Variants in TOP2B observed in about 807,000 individuals in gnomAD.
The protein encoded by TOP2B is DNA topoisomerase 2-beta.
Under a neutral mutation model 193.5 loss-of-function variants are expected in TOP2B, and 51 were observed. The observed-to-expected ratio is 0.26, with a 90% CI of 0.21 to 0.33. TOP2B has a LOEUF of 0.33. Ranked by LOEUF, TOP2B falls within the 10% of genes least tolerant of loss-of-function variation. The pLI, the probability that TOP2B is intolerant of heterozygous loss-of-function variation, is 1.00. For synonymous variants in TOP2B, 634 were observed against 635.7 expected, an observed-to-expected ratio of 1.00 and a Z score of 0.04; for missense variants, 1,378 against 1,909.3, an observed-to-expected ratio of 0.72 and a Z score of 5.19.
At position 25,642,324 on chromosome 3, in the gene TOP2B, A is replaced by C. The variant is rs1328482377; in HGVS notation, c.393T>G (p.Asp131Glu). ...KNMTCIKVSI[D>E]PESNIISIWN... Reference sequence around the variant, plus strand: ...AATTAAACTTTAAATATACTTACGGATCAATAGAAACTTTAATACAAGTCA... The same window carrying C: ...AATTAAACTTTAAATATACTTACGGCTCAATAGAAACTTTAATACAAGTCA... The change falls in exon 4 of 36, where the codon GAT becomes GAG. Residue 131 changes from aspartate (D) to glutamate (E), a missense_variant and splice_region_variant. Physicochemically the swap from Asp to Glu is conservative, Grantham distance 45. Transcript: ENST00000264331. The C allele has an allele frequency of 6.5e-7, 1 of 1,536,320 alleles. No homozygotes were observed. The highest frequency in any genetic ancestry group is 2.5e-5 in the East Asian group (1 of 40,758).
At chr3:25,604,715 A>C (rs757800696) in intron 33 of TOP2B, 45 bp downstream of exon 33, 2 of 1,383,246 alleles carry the variant, frequency 1.4e-6, no homozygotes, top group Non-Finnish European at 2.0e-6. Context: ...TTTTACATTA[A>C]CTATCTCTAT....
chr3:25,598,334 ATCT>A lies in TOP2B; in HGVS notation c.4851_4853del (p.Glu1617del), dbSNP rs767895836. On this transcript the variant is annotated inframe_deletion, in exon 36 of 36. Transcript: ENST00000264331. ...AATTAAACATTGCAAAATCAACATC[ATCT>A]TCTTCTTCATCAGACTCTGCAAAAT... 135 of 1,610,400 alleles carry A rather than the reference ATCT, an allele frequency of 8.4e-5. 1 individual carries two copies. Among genetic ancestry groups the A allele is most frequent in the South Asian group, 1.9e-4 (17 of 90,100 alleles).
intron 33 of TOP2B, among the ~76,000 whole-genome samples, chr3:25,602,525 T>TA (rs1702132205): frequency 6.6e-6 from 1 of 150,402 alleles, no homozygotes; most frequent in Admixed American, 6.6e-5. Context: ...CTACACTGAT[T>TA]CTATGGAAAA....
chr3:25,646,803 CTCTGAAAAG>C (rs1489043750), intron 1 of TOP2B, among the ~76,000 whole-genome samples: 2 of 151,976 alleles, frequency 1.3e-5, no homozygotes, highest in Non-Finnish European at 2.9e-5. Context: ...AATACATGAC[CTCTGAAAAG>C]TCTAAACGAA....
rs1702716699 is a variant in TOP2B, at chr3:25,623,507, A to G, written c.2727+8T>C. On this transcript the variant is annotated splice_region_variant and intron_variant, in intron 21 of 35. Transcript: ENST00000264331. Reference sequence around the variant, plus strand: ...TTGTTAAATAAATAATAAGTTCCAAATAATTACCATGGGATGAGGATCCAG... The same window carrying G: ...TTGTTAAATAAATAATAAGTTCCAAGTAATTACCATGGGATGAGGATCCAG... 1.9e-6 allele frequency: 3 copies of G among 1,610,762 alleles called. No homozygotes were observed. The highest frequency in any genetic ancestry group is 2.2e-5 in the East Asian group (1 of 44,838).
At chr3:25,612,759 G>A (rs1214918626) in intron 27 of TOP2B, 50 bp from the exon 28 acceptor site, 1 of 1,382,160 alleles carries the variant, frequency 7.2e-7, no homozygotes, top group Non-Finnish European at 1.0e-6. Flanking sequence ...TCTTAGAAAA[G>A]ATAATCACTA....
At chr3:25,664,187 C>G (rs187125240) in intron 1 of TOP2B, 42 bp downstream of exon 1, 1 of 1,537,958 alleles carries the variant, frequency 6.5e-7, no homozygotes, top group African/African-American at 1.4e-5. Flanking sequence ...CGCCGCGGGC[C>G]CGGAACAATG....
chr3:25,647,367 T>C (rs937317085), intron 1 of TOP2B, among the ~76,000 whole-genome samples: 4 of 152,182 alleles, frequency 2.6e-5, no homozygotes, highest in Non-Finnish European at 4.4e-5. Context: ...TCAAAGAAGA[T>C]AGATGCTATG....
intron 1 of TOP2B, among the ~76,000 whole-genome samples, chr3:25,653,092 T>TA (rs1703641101): frequency 6.6e-6 from 1 of 151,994 alleles, no homozygotes; most frequent in Non-Finnish European, 1.5e-5. Flanking sequence ...GAATCATGAA[T>TA]AAAAAATCTC....
At chr3:25,643,183 T>C (rs1190839405) in intron 3 of TOP2B, among the ~76,000 whole-genome samples, 1 of 152,162 alleles carries the variant, frequency 6.6e-6, no homozygotes, top group East Asian at 1.9e-4. Context: ...ATTTCCAAAG[T>C]ACAAGCATTC....
chr3:25,612,185 G>A (rs1372831001), intron 28 of TOP2B, among the ~76,000 whole-genome samples: 5 of 151,906 alleles, frequency 3.3e-5, no homozygotes, highest in African/African-American at 7.2e-5. Context: ...CTCATGATCC[G>A]CCCGCCTCAG....
intron 31 of TOP2B, among the ~76,000 whole-genome samples, chr3:25,606,440 C>T (rs912113334): frequency 6.6e-6 from 1 of 152,018 alleles, no homozygotes; most frequent in African/African-American, 2.4e-5. Flanking sequence ...GAATACTTAA[C>T]CAAATTCTTA....
chr3:25,642,024 A>C (rs1703278255), intron 4 of TOP2B, among the ~76,000 whole-genome samples: 1 of 152,128 alleles, frequency 6.6e-6, no homozygotes, highest in African/African-American at 2.4e-5. Context: ...TCACACTAAC[A>C]ATAGCCCTTA....
intron 5 of TOP2B, 76 bp from the exon 6 acceptor site, chr3:25,637,388 C>T: frequency 9.4e-7 from 1 of 1,061,232 alleles, no homozygotes; most frequent in Non-Finnish European, 1.4e-6. Flanking sequence ...CACCATACGG[C>T]AAGGCTGTTG....
At chr3:25,645,190 G>A in intron 2 of TOP2B, 110 bp downstream of exon 2, 1 of 1,022,062 alleles carries the variant, frequency 9.8e-7, no homozygotes, top group East Asian at 2.5e-5. Flanking sequence ...GACTATGACA[G>A]ATGAAATTAC....
rs76988663 is a variant in TOP2B, at chr3:25,662,401, T to C, written c.69+1828A>G. On this transcript the variant is annotated intron_variant, in intron 1 of 35. Transcript: ENST00000264331. ...ATATAACCTTAGAGTAAGCATCAAC[T>C]CTTAAAGAAGACTTACAGGAGTGAT... is the stretch of plus-strand genomic sequence containing the variant. Among the ~76,000 whole-genome samples the C allele has an allele frequency of 1.9e-3, 285 of 152,282 alleles. 2 individuals are homozygous for C. The highest frequency in any genetic ancestry group is 6.3e-3 in the African/African-American group (263 of 41,528).
At chr3:25,645,936 T>TC (rs1465298496) in intron 1 of TOP2B, among the ~76,000 whole-genome samples, 1 of 151,326 alleles carries the variant, frequency 6.6e-6, no homozygotes, top group African/African-American at 2.4e-5. Context: ...ATTTTTTTTT[T>TC]TTTTTTGTAT....
In TOP2B at chr3:25,606,845, G is replaced by A. The variant is rs921914769; in HGVS notation, c.4298+326C>T. ...CTATTTTTGTAAACAATATTTTACTGGAACATGGCTACACTGATTTATTTA... is the reference window on the plus strand; with the variant it reads ...CTATTTTTGTAAACAATATTTTACTAGAACATGGCTACACTGATTTATTTA... On this transcript the variant is annotated intron_variant, in intron 31 of 35. Transcript: ENST00000264331. Among the ~76,000 whole-genome samples the A allele has an allele frequency of 2.2e-4, 33 of 152,136 alleles. 1 individual carries two copies. The highest frequency in any genetic ancestry group is 2.2e-3 in the Admixed American group (33 of 15,272).
At chr3:25,648,478 G>A (rs1158951502) in intron 1 of TOP2B, among the ~76,000 whole-genome samples, 1 of 152,094 alleles carries the variant, frequency 6.6e-6, no homozygotes, top group Non-Finnish European at 1.5e-5. Flanking sequence ...AAAGACCAGA[G>A]AGTTAGCTAA....
Sources: gnomAD v4.1 joint callset for allele counts (sites outside exome capture counted in the v4.1 genomes callset) on GRCh38, gnomAD v4.1.1 for gene constraint, MANE v1.5 for transcripts, NCBI Gene and HGNC (gene_info 2026-07-23, HGNC 2026-07-21) for gene names.